ARL15: variants seen among roughly 807,000 people sequenced by gnomAD.
ARL15 encodes ADP-ribosylation factor-like protein 15.
In ARL15, 19 loss-of-function variants were observed where a neutral mutation model predicts 25.2. That is an observed-to-expected ratio of 0.75 (90% CI 0.53 to 1.10). The LOEUF (loss-of-function observed/expected upper bound fraction) is 1.10. Ranked by LOEUF, ARL15 falls within the 50% of genes least tolerant of loss-of-function variation. ARL15 has a pLI of 0.00. For missense variants in ARL15, 220 were observed against 246.0 expected (o/e 0.89, Z 0.71); for synonymous variants, 94 against 86.8 (o/e 1.08, Z -0.46).
At chr5:54,043,007 T>A (rs1750391825) in intron 4 of ARL15, among the ~76,000 whole-genome samples, 1 of 152,166 alleles carries the variant, frequency 6.6e-6, no homozygotes, top group African/African-American at 2.4e-5. Flanking sequence ...CACAAAGGCA[T>A]CATGGCACCT....
chr5:54,154,923 C>A (rs1177446045), intron 2 of ARL15, among the ~76,000 whole-genome samples: 1 of 152,104 alleles, frequency 6.6e-6, no homozygotes, highest in East Asian at 1.9e-4. Flanking sequence ...GAGATCAAGA[C>A]CATCCTGGGC....
At chr5:53,963,579 G>A (rs1446583000) in intron 4 of ARL15, among the ~76,000 whole-genome samples, 1 of 152,128 alleles carries the variant, frequency 6.6e-6, no homozygotes. Context: ...AGGCCAAGAC[G>A]GGTGCATCAC....
intron 4 of ARL15, among the ~76,000 whole-genome samples, chr5:54,068,837 G>T (rs1023024142): frequency 6.6e-6 from 1 of 152,180 alleles, no homozygotes; most frequent in Non-Finnish European, 1.5e-5. Context: ...TTAGGAAAAT[G>T]AGTTCTGGAG....
intron 4 of ARL15, among the ~76,000 whole-genome samples, chr5:54,053,500 T>A (rs552664001): frequency 6.6e-6 from 1 of 150,870 alleles, no homozygotes; most frequent in African/African-American, 2.4e-5. Context: ...AGAAAAAAAA[T>A]AAAAATAAAA....
intron 1 of ARL15, among the ~76,000 whole-genome samples, chr5:54,202,209 T>C (rs568207655): frequency 6.6e-6 from 1 of 152,194 alleles, no homozygotes; most frequent in African/African-American, 2.4e-5. Context: ...TACAGTATTA[T>C]GGTAGGCAGA....
At chr5:54,264,033 CA>C (rs1757562545) in intron 1 of ARL15, among the ~76,000 whole-genome samples, 1 of 152,122 alleles carries the variant, frequency 6.6e-6, no homozygotes, top group African/African-American at 2.4e-5. Flanking sequence ...TGAATATCTA[CA>C]AAGTTTCTTG....
intron 4 of ARL15, among the ~76,000 whole-genome samples, chr5:54,005,508 G>C (rs572082732): frequency 2.0e-5 from 3 of 152,118 alleles, no homozygotes; most frequent in Non-Finnish European, 4.4e-5. Context: ...GATCACCTGA[G>C]GTCAGGAGAT....
intron 1 of ARL15, among the ~76,000 whole-genome samples, chr5:54,193,608 C>G (rs970435309): frequency 6.6e-6 from 1 of 152,234 alleles, no homozygotes; most frequent in Non-Finnish European, 1.5e-5. Flanking sequence ...CACCCTGAAT[C>G]CATCCCCTCC....
At chr5:54,234,253 A>G (rs1579936358) in intron 1 of ARL15, among the ~76,000 whole-genome samples, 1 of 152,130 alleles carries the variant, frequency 6.6e-6, no homozygotes, top group South Asian at 2.1e-4. Context: ...AGCCTCCCAA[A>G]GTGCTGGGAT....
At chr5:54,252,097 G>A (rs1307610240) in intron 1 of ARL15, among the ~76,000 whole-genome samples, 3 of 152,196 alleles carry the variant, frequency 2.0e-5, no homozygotes, top group Non-Finnish European at 4.4e-5. Flanking sequence ...TAGGATCAAA[G>A]GGCTATGGAC....
chr5:54,185,593 G>A (rs372377343), intron 1 of ARL15, among the ~76,000 whole-genome samples: 2 of 152,140 alleles, frequency 1.3e-5, no homozygotes, highest in African/African-American at 4.8e-5. Flanking sequence ...TTAAAAGCAT[G>A]GTTAGACAAG....
At chr5:54,042,521 T>C (rs1257579538) in intron 4 of ARL15, among the ~76,000 whole-genome samples, 2 of 152,226 alleles carry the variant, frequency 1.3e-5, no homozygotes, top group Non-Finnish European at 2.9e-5. Context: ...AACTCAGATC[T>C]ATGCAGATTA....
At chr5:54,282,535 G>A (rs969262967) in intron 1 of ARL15, 2 of 985,228 alleles carry the variant, frequency 2.0e-6, no homozygotes, top group Non-Finnish European at 2.4e-6. Flanking sequence ...GCTTTATCTT[G>A]GGACTGTAAG....
chr5:54,303,208 G>GCA (rs143790457), intron 1 of ARL15, among the ~76,000 whole-genome samples: 2,490 of 152,156 alleles, frequency 0.016, 71 homozygotes, highest in African/African-American at 0.057. Context: ...AAAGAACATA[G>GCA]CACAGTCTCA....
In ARL15 at chr5:53,972,239, T is replaced by C. The variant is rs574191491; in HGVS notation, c.463-85526A>G. On this transcript the variant is annotated intron_variant, in intron 4 of 4. Coordinates refer to ENST00000504924, the MANE Select transcript of ARL15 (RefSeq NM_019087.3). ...TAGGCAAAGCAAACGTTCTTCATAC[T>C]TTTAAATTTCCCAGATGATTAATCA... Among the ~76,000 whole-genome samples, 5 of 152,328 alleles carry C rather than the reference T, an allele frequency of 3.3e-5. No homozygotes were observed. The South Asian group carries it at 1.0e-3, about 32-fold the overall frequency.
intron 4 of ARL15, among the ~76,000 whole-genome samples, chr5:54,102,609 A>C (rs1752473450): frequency 6.6e-6 from 1 of 152,082 alleles, no homozygotes; most frequent in East Asian, 1.9e-4. Flanking sequence ...GCCTGATGAG[A>C]GAGCATCTTT....
At chr5:53,996,641 AGAG>A (rs1016410532) in intron 4 of ARL15, among the ~76,000 whole-genome samples, 3 of 145,302 alleles carry the variant, frequency 2.1e-5, no homozygotes, top group Non-Finnish European at 4.5e-5. Flanking sequence ...AAAAAAAAAA[AGAG>A]AACACCCCTT....
intron 4 of ARL15, among the ~76,000 whole-genome samples, chr5:53,950,820 T>C (rs776705345): frequency 1.3e-5 from 2 of 152,224 alleles, no homozygotes; most frequent in African/African-American, 2.4e-5. Context: ...CTAAGGTATT[T>C]CTTGAATAAT....
chr5:54,225,940 A>T (rs2112542277), intron 1 of ARL15, among the ~76,000 whole-genome samples: 1 of 152,314 alleles, frequency 6.6e-6, no homozygotes, highest in Non-Finnish European at 1.5e-5. Flanking sequence ...AGGGTGAAGA[A>T]GGATCGAAAA....
Sources: allele counts gnomAD v4.1 joint callset (sites outside exome capture counted in the v4.1 genomes callset), GRCh38; gene constraint gnomAD v4.1.1; transcripts MANE v1.5; gene names NCBI Gene and HGNC (gene_info 2026-07-23, HGNC 2026-07-21).